Variants in ATP10B observed in about 807,000 individuals in gnomAD.
The protein encoded by ATP10B is phospholipid-transporting ATPase VB.
ATP10B carries 122 observed loss-of-function variants against 141.2 expected under a neutral mutation model. The observed-to-expected ratio is 0.86, with a 90% CI of 0.75 to 1.00. The LOEUF (loss-of-function observed/expected upper bound fraction) is 1.00. Ranked by LOEUF, ATP10B falls within the 50% of genes least tolerant of loss-of-function variation. The pLI is 0.00. For missense variants in ATP10B, 1,876 were observed against 1,825.3 expected (o/e 1.03, Z -0.51); for synonymous variants, 685 against 692.0 (o/e 0.99, Z 0.16).
chr5:160,706,422 TAAAC>T (rs916795653), intron 3 of ATP10B, among the ~76,000 whole-genome samples: 4 of 152,174 alleles, frequency 2.6e-5, no homozygotes, highest in African/African-American at 4.8e-5. Flanking sequence ...TTTGTAATAA[TAAAC>T]AATAAAAATG....
the ATP10B span, among the ~76,000 whole-genome samples, chr5:160,887,299 C>T: frequency 6.6e-6 from 1 of 152,086 alleles, no homozygotes; most frequent in African/African-American, 2.4e-5. Context: ...CTTATAATAC[C>T]TAATACAATG....
chr5:160,676,192 A>G (rs1763020221), intron 6 of ATP10B, among the ~76,000 whole-genome samples: 10 of 152,158 alleles, frequency 6.6e-5, no homozygotes, highest in Admixed American at 6.5e-4. Flanking sequence ...CTTTTTGACC[A>G]TGTGGTGGCA....
intron 6 of ATP10B, among the ~76,000 whole-genome samples, chr5:160,677,121 C>T (rs1581335459): frequency 6.6e-6 from 1 of 152,206 alleles, no homozygotes; most frequent in African/African-American, 2.4e-5. Context: ...AATCCTTACC[C>T]GTGGACATAC....
chr5:160,591,988 A>T (rs1453274816), intron 22 of ATP10B, among the ~76,000 whole-genome samples: 1 of 152,132 alleles, frequency 6.6e-6, no homozygotes, highest in Non-Finnish European at 1.5e-5. Flanking sequence ...CAGGTGCAAG[A>T]CACTCTCTGG....
chr5:160,613,408 T>C (rs189675987), intron 17 of ATP10B, among the ~76,000 whole-genome samples: 142 of 152,304 alleles, frequency 9.3e-4, no homozygotes, highest in African/African-American at 3.2e-3. Context: ...GGCAGAGCCT[T>C]GTCAGGGCCT....
chr5:160,749,005 A>G (rs1422055931), intron 2 of ATP10B, among the ~76,000 whole-genome samples: 2 of 152,184 alleles, frequency 1.3e-5, no homozygotes, highest in Non-Finnish European at 2.9e-5. Flanking sequence ...GGAAATAGAC[A>G]CCCTCAGAAG....
chr5:160,809,467 G>A (rs1235457366), intron 1 of ATP10B, among the ~76,000 whole-genome samples: 1 of 152,088 alleles, frequency 6.6e-6, no homozygotes. Flanking sequence ...CAATACATAT[G>A]CAATACATAT....
At chr5:160,882,747 A>G in the ATP10B span, among the ~76,000 whole-genome samples, 1 of 152,196 alleles carries the variant, frequency 6.6e-6, no homozygotes, top group Non-Finnish European at 1.5e-5. Context: ...TGGAAGAGAA[A>G]AAACAAGTTA....
chr5:160,709,959 C>T (rs1167696235), intron 3 of ATP10B, among the ~76,000 whole-genome samples: 1 of 96,690 alleles, frequency 1.0e-5, no homozygotes, highest in Non-Finnish European at 2.1e-5. Flanking sequence ...TTTATGGCTG[C>T]ATAGTATTCC....
chr5:160,899,049 C>T, the ATP10B span, among the ~76,000 whole-genome samples: 71 of 152,136 alleles, frequency 4.7e-4, no homozygotes, highest in African/African-American at 1.4e-3. Context: ...ATATAGGTAA[C>T]GGGTCGATGG....
rs527734015 is a variant in ATP10B at position 160,804,000 on chromosome 5, C to A, written c.-575-18197G>T. ...TCAAATTTCTGACTCCAGTTCCTGACTGGAACTGGAGTTACTGTGCCCTGA... is the reference window on the plus strand; with the variant it reads ...TCAAATTTCTGACTCCAGTTCCTGAATGGAACTGGAGTTACTGTGCCCTGA... On this transcript the variant is annotated intron_variant, in intron 1 of 25. Transcript: ENST00000327245. Among the ~76,000 whole-genome samples, 12 of 152,034 alleles carry A rather than the reference C, an allele frequency of 7.9e-5. No homozygotes were observed. The South Asian group carries it at 2.1e-3, about 26-fold the overall frequency.
intron 2 of ATP10B, among the ~76,000 whole-genome samples, chr5:160,752,164 G>T (rs1768196886): frequency 7.1e-6 from 1 of 141,596 alleles, no homozygotes; most frequent in Non-Finnish European, 1.5e-5. Context: ...CAGGGGGCAA[G>T]TCCCCCTACT....
At chr5:160,872,091 G>A in the ATP10B span, among the ~76,000 whole-genome samples, 1 of 151,996 alleles carries the variant, frequency 6.6e-6, no homozygotes, top group African/African-American at 2.4e-5. Flanking sequence ...CATTTTTTCT[G>A]GAGTAAGGTG....
chr5:160,862,143 G>C, the ATP10B span, among the ~76,000 whole-genome samples: 1 of 151,982 alleles, frequency 6.6e-6, no homozygotes, highest in Non-Finnish European at 1.5e-5. Context: ...TGTCAACTTA[G>C]CTAGGCTACA....
At chr5:160,860,892 T>C in the ATP10B span, among the ~76,000 whole-genome samples, 1 of 151,952 alleles carries the variant, frequency 6.6e-6, no homozygotes, top group Non-Finnish European at 1.5e-5. Context: ...AGTCAAGTGC[T>C]GGCCATTGCT....
At chr5:160,815,673 A>G (rs139868354) in intron 1 of ATP10B, among the ~76,000 whole-genome samples, 1 of 152,216 alleles carries the variant, frequency 6.6e-6, no homozygotes. Flanking sequence ...CCTAATAGAC[A>G]TCTACAGAAC....
Position 160,565,585 on chromosome 5 carries a change from T to C in ATP10B, c.4254A>G (p.Ser1418=). The C allele has an allele frequency of 6.2e-7, 1 of 1,614,122 alleles. No homozygotes were observed. The highest frequency in any genetic ancestry group is 8.5e-7 in the Non-Finnish European group (1 of 1,179,974). The part of the protein sequence containing the change: ...MRDDSCSGDS[S]AQLSSGEHLL... ...GGTGCTCCCCGGATGAGAGTTGAGCTGAGGAGTCCCCTGAGCATGAGTCAT... is the reference window on the plus strand; with the variant it reads ...GGTGCTCCCCGGATGAGAGTTGAGCCGAGGAGTCCCCTGAGCATGAGTCAT... The change falls in exon 26 of 26, where the codon TCA becomes TCG. Residue 1418 remains serine (S), a synonymous_variant. Transcript: ENST00000327245.
chr5:160,597,218 C>A (rs1161913960), intron 22 of ATP10B, among the ~76,000 whole-genome samples: 1 of 152,178 alleles, frequency 6.6e-6, no homozygotes, highest in Non-Finnish European at 1.5e-5. Flanking sequence ...TGGAACAGAA[C>A]AAAGCCCTCA....
chr5:160,565,331 G>A lies in ATP10B; in HGVS notation c.*122C>T, dbSNP rs1754466198. 1 of 1,051,518 alleles carries A rather than the reference G, an allele frequency of 9.5e-7. No homozygotes were observed. 65.1% of individuals were successfully genotyped at this position (1,051,518 alleles called of 1,614,324 possible). A position where few individuals can be genotyped will look rare whatever the true frequency, so the allele number is the denominator to read the frequency against. Reference sequence around the variant, plus strand: ...CCAGCACTTCCTCCATGGAAGTCAAGGTTGTTGAAGAAAAGAATAAGACTG... The same window carrying A: ...CCAGCACTTCCTCCATGGAAGTCAAAGTTGTTGAAGAAAAGAATAAGACTG... On this transcript the variant is annotated 3_prime_UTR_variant, in exon 26 of 26. Coordinates refer to ENST00000327245, the MANE Select transcript of ATP10B (RefSeq NM_025153.3).
Sources: gnomAD v4.1 joint callset for allele counts (sites outside exome capture counted in the v4.1 genomes callset) on GRCh38, gnomAD v4.1.1 for gene constraint, MANE v1.5 for transcripts, NCBI Gene and HGNC (gene_info 2026-07-23, HGNC 2026-07-21) for gene names.